The following NCKAP5 variants were observed in gnomAD, a reference collection of about 807,000 sequenced individuals.
The protein encoded by NCKAP5 is nck-associated protein 5.
NCKAP5 carries 92 observed loss-of-function variants against 167.0 expected under a neutral mutation model. The ratio of observed to expected loss-of-function variants is 0.55; its 90% CI spans 0.47 to 0.66. The LOEUF (loss-of-function observed/expected upper bound fraction) is 0.66. Ranked by LOEUF, NCKAP5 falls within the 30% of genes least tolerant of loss-of-function variation. The pLI is 0.00. For missense variants in NCKAP5, 2,378 were observed against 2,315.0 expected (o/e 1.03, Z -0.56); for synonymous variants, 891 against 877.4 (o/e 1.02, Z -0.27).
intron 3 of NCKAP5, among the ~76,000 whole-genome samples, chr2:133,436,763 G>C (rs1324816147): frequency 6.6e-6 from 1 of 152,082 alleles, no homozygotes; most frequent in South Asian, 2.1e-4. Context: ...TGAACATCCT[G>C]TGCATAATTA....
In NCKAP5 at chr2:133,052,460, G is replaced by C. The variant is rs755636914; in HGVS notation, c.342-58221C>G. ...GGGCCGGGCACGGTGGCTCACGCCT[G>C]TAATTCCAGCTCTTTGGGAGGCCAA... On this transcript the variant is annotated intron_variant, in intron 6 of 19. Transcript: ENST00000409261. Among the ~76,000 whole-genome samples the C allele has an allele frequency of 4.5e-4, 68 of 152,190 alleles. 1 individual carries two copies. The highest frequency in any genetic ancestry group is 7.5e-4 in the Non-Finnish European group (51 of 68,038).
rs192829132 is a variant in NCKAP5, at chr2:133,004,707, C to T, written c.342-10468G>A. ...CATTGATAAACCTCTTAACAGGAAA[C>T]AGGGTTTGAGAGTAGACAACCGGTA... On this transcript the variant is annotated intron_variant, in intron 6 of 19. Coordinates refer to ENST00000409261, the MANE Select transcript of NCKAP5 (RefSeq NM_207363.3). 7.4e-3 allele frequency among the ~76,000 whole-genome samples: 1,126 copies of T among 152,262 alleles called. 13 individuals carry two copies. The highest frequency in any genetic ancestry group is 0.026 in the African/African-American group (1,074 of 41,520).
At chr2:132,710,003 G>T (rs1433787961) in intron 19 of NCKAP5, among the ~76,000 whole-genome samples, 1 of 152,012 alleles carries the variant, frequency 6.6e-6, no homozygotes, top group Non-Finnish European at 1.5e-5. Flanking sequence ...TGACTAAACG[G>T]ATCATTATTT....
rs775202502 is a variant in NCKAP5 at position 132,782,439 on chromosome 2, C to T, written c.4372G>A (p.Ala1458Thr). 29 of 1,613,638 alleles carry T rather than the reference C, an allele frequency of 1.8e-5. No homozygotes were observed. The highest frequency in any genetic ancestry group is 4.5e-5 in the East Asian group (2 of 44,886). The change falls in exon 14 of 20, where the codon GCG becomes ACG. Residue 1458 changes from alanine to threonine, a missense_variant. Physicochemically the swap from Ala to Thr is moderately conservative, Grantham distance 58. Coordinates refer to ENST00000409261, the MANE Select transcript of NCKAP5 (RefSeq NM_207363.3). ...SGRHPDASAT[A>T]TDAVSSEAPL... ...GCTTCTGAACTCACAGCATCAGTCG[C>T]GGTTGCAGAGGCATCTGGATGCCTT...
At chr2:132,760,948 G>A (rs781747720) in intron 16 of NCKAP5, among the ~76,000 whole-genome samples, 3 of 152,262 alleles carry the variant, frequency 2.0e-5, no homozygotes, top group Non-Finnish European at 2.9e-5. Context: ...GAAGCTGGGG[G>A]ATTTATGGGA....
the NCKAP5 span, among the ~76,000 whole-genome samples, chr2:133,575,877 C>G: frequency 6.6e-6 from 1 of 152,178 alleles, no homozygotes; most frequent in African/African-American, 2.4e-5. Context: ...GATCTCTTAA[C>G]GATAAACATG....
chr2:132,793,797 G>A (rs1455762654), intron 12 of NCKAP5, among the ~76,000 whole-genome samples: 4 of 151,976 alleles, frequency 2.6e-5, no homozygotes, highest in Non-Finnish European at 2.9e-5. Context: ...AAGAGGAGGC[G>A]GCCACTCTTT....
intron 3 of NCKAP5, among the ~76,000 whole-genome samples, chr2:133,330,056 T>G (rs1045574615): frequency 1.9e-5 from 2 of 108,038 alleles, no homozygotes; most frequent in African/African-American, 8.6e-5. Context: ...GCAAGACCTT[T>G]TTTTTTTTTT....
chr2:132,885,393 A>G (rs1692136232), intron 8 of NCKAP5, among the ~76,000 whole-genome samples: 1 of 152,224 alleles, frequency 6.6e-6, no homozygotes, highest in Non-Finnish European at 1.5e-5. Context: ...ATTAAAGTCA[A>G]TATGCCCAGA....
chr2:132,896,250 T>C (rs1693194485), intron 8 of NCKAP5, among the ~76,000 whole-genome samples: 1 of 152,230 alleles, frequency 6.6e-6, no homozygotes, highest in Non-Finnish European at 1.5e-5. Context: ...ATGAATCCCA[T>C]TCTAGAAACC....
At chr2:133,666,748 C>T in the NCKAP5 span, among the ~76,000 whole-genome samples, 2 of 151,882 alleles carry the variant, frequency 1.3e-5, no homozygotes, top group African/African-American at 4.9e-5. Context: ...ACTCTAACAT[C>T]AATTGGTAAA....
intron 8 of NCKAP5, among the ~76,000 whole-genome samples, chr2:132,901,969 G>T (rs1693663351): frequency 6.6e-6 from 1 of 152,080 alleles, no homozygotes. Flanking sequence ...GAAAACCAAA[G>T]GTTCTCATTT....
At chr2:132,815,348 T>C (rs1182807515) in intron 11 of NCKAP5, among the ~76,000 whole-genome samples, 2 of 152,180 alleles carry the variant, frequency 1.3e-5, no homozygotes, top group African/African-American at 4.8e-5. Flanking sequence ...TGAGAAACTA[T>C]GGGGAAGTTC....
At chr2:133,392,353 C>T (rs184540271) in intron 3 of NCKAP5, among the ~76,000 whole-genome samples, 2 of 152,280 alleles carry the variant, frequency 1.3e-5, no homozygotes, top group Admixed American at 1.3e-4. Context: ...GTATAGGAAG[C>T]TATATCATCC....
intron 4 of NCKAP5, among the ~76,000 whole-genome samples, chr2:133,248,638 G>C (rs2088133808): frequency 6.6e-6 from 1 of 152,186 alleles, no homozygotes; most frequent in Non-Finnish European, 1.5e-5. Flanking sequence ...TAGTTTCCTA[G>C]TTTATAAAAT....
chr2:133,535,314 G>A (rs1324721560), intron 2 of NCKAP5, among the ~76,000 whole-genome samples: 4 of 151,632 alleles, frequency 2.6e-5, no homozygotes, highest in African/African-American at 4.8e-5. Context: ...TGGAGTTCTC[G>A]GTGTCTATTA....
At chr2:132,862,780 CA>C (rs1169763055) in intron 10 of NCKAP5, among the ~76,000 whole-genome samples, 1 of 100,554 alleles carries the variant, frequency 9.9e-6, no homozygotes, top group Non-Finnish European at 2.2e-5. Context: ...AAAAAAAAAC[CA>C]AAAAAAAACA....
intron 6 of NCKAP5, among the ~76,000 whole-genome samples, chr2:133,035,029 C>T (rs2078996650): frequency 6.6e-6 from 1 of 151,872 alleles, no homozygotes; most frequent in Admixed American, 6.6e-5. Context: ...CATATTTCAT[C>T]TATAAAGACA....
At chr2:133,142,156 CAT>C (rs1194495781) in intron 5 of NCKAP5, among the ~76,000 whole-genome samples, 1 of 152,048 alleles carries the variant, frequency 6.6e-6, no homozygotes, top group East Asian at 1.9e-4. Flanking sequence ...AAGGGGAAAA[CAT>C]ATACTCTTAA....
Sources: allele counts gnomAD v4.1 joint callset (sites outside exome capture counted in the v4.1 genomes callset), GRCh38; gene constraint gnomAD v4.1.1; transcripts MANE v1.5; gene names NCBI Gene and HGNC (gene_info 2026-07-23, HGNC 2026-07-21).